Variants in ITGB3BP observed in about 807,000 individuals in gnomAD.
ITGB3BP encodes the protein integrin subunit beta 3 binding protein, also known as centromere protein R.
A neutral mutation model predicts 29.1 loss-of-function variants in ITGB3BP; 27 were observed. The ratio of observed to expected loss-of-function variants is 0.93; its 90% CI spans 0.68 to 1.28. The LOEUF (loss-of-function observed/expected upper bound fraction) is 1.28. Among genes scored for constraint, ITGB3BP ranks in the 50% most tolerant of loss-of-function variants. The pLI is 0.00. For missense variants in ITGB3BP, 192 were observed against 200.2 expected (o/e 0.96, Z 0.25); for synonymous variants, 61 against 61.4 (o/e 0.99, Z 0.03).
chr1:63,520,552 G>A (rs1300569429), intron 1 of ITGB3BP, among the ~76,000 whole-genome samples: 8 of 152,058 alleles, frequency 5.3e-5, no homozygotes, highest in Non-Finnish European at 1.2e-4. Context: ...ACTTAGGGAG[G>A]ACTTAAGATA....
intron 8 of ITGB3BP, among the ~76,000 whole-genome samples, chr1:63,443,599 C>T (rs1340576990): frequency 2.6e-5 from 4 of 152,068 alleles, no homozygotes; most frequent in African/African-American, 9.7e-5. Flanking sequence ...CCTTCTAAAG[C>T]ATACATTTGT....
At chr1:63,465,973 T>G (rs1159044129) in intron 4 of ITGB3BP, among the ~76,000 whole-genome samples, 1 of 152,024 alleles carries the variant, frequency 6.6e-6, no homozygotes, top group African/African-American at 2.4e-5. Flanking sequence ...GTGGACAGAG[T>G]GGGCTGACCC....
chr1:63,477,659 G>A (rs890761807), intron 4 of ITGB3BP, among the ~76,000 whole-genome samples: 5 of 151,634 alleles, frequency 3.3e-5, no homozygotes, highest in African/African-American at 1.2e-4. Flanking sequence ...GGTTAAGGCT[G>A]CACTGAATGG....
chr1:63,465,844 G>A (rs371380890), intron 4 of ITGB3BP, among the ~76,000 whole-genome samples: 8 of 151,888 alleles, frequency 5.3e-5, no homozygotes, highest in Non-Finnish European at 1.0e-4. Context: ...ATTCAAATTC[G>A]TAGTTTTACT....
At chr1:63,479,936 T>C (rs1201346515) in intron 3 of ITGB3BP, among the ~76,000 whole-genome samples, 1 of 152,160 alleles carries the variant, frequency 6.6e-6, no homozygotes, top group Non-Finnish European at 1.5e-5. Context: ...GACATACTGA[T>C]TTAATATCCT....
intron 8 of ITGB3BP, among the ~76,000 whole-genome samples, chr1:63,445,188 G>C (rs1399252254): frequency 1.3e-5 from 2 of 151,940 alleles, no homozygotes; most frequent in Non-Finnish European, 2.9e-5. Context: ...CGGGAGGCTG[G>C]GGCAGGAGAA....
chr1:63,505,934 C>T (rs566460507), intron 2 of ITGB3BP, among the ~76,000 whole-genome samples: 1 of 152,044 alleles, frequency 6.6e-6, no homozygotes. Context: ...TTACTTCCAA[C>T]TATGTGGTCA....
upstream of ITGB3BP, among the ~76,000 whole-genome samples, chr1:63,527,051 C>T (rs1393667702): frequency 1.3e-5 from 2 of 152,222 alleles, no homozygotes; most frequent in East Asian, 3.9e-4. Flanking sequence ...AGGCGTGAGC[C>T]ACCACGCCTG....
At chr1:63,520,372 T>C (rs1646420171) in intron 1 of ITGB3BP, among the ~76,000 whole-genome samples, 1 of 152,142 alleles carries the variant, frequency 6.6e-6, no homozygotes, top group Non-Finnish European at 1.5e-5. Context: ...CTTTAAAAAG[T>C]GAAGGTTTCA....
chr1:63,515,574 TC>T (rs1646297139), intron 1 of ITGB3BP, among the ~76,000 whole-genome samples: 1 of 152,038 alleles, frequency 6.6e-6, no homozygotes. Context: ...ACGCCTGTAA[TC>T]CCAGGACTTT....
chr1:63,446,577 G>A (rs1179644149), intron 8 of ITGB3BP: 2 of 488,844 alleles, frequency 4.1e-6, no homozygotes, highest in Non-Finnish European at 7.5e-6. Context: ...TAAAGTTAGC[G>A]TCGTCAGCTC....
intron 4 of ITGB3BP, among the ~76,000 whole-genome samples, chr1:63,474,978 A>G (rs1006577697): frequency 7.9e-5 from 12 of 152,186 alleles, no homozygotes; most frequent in Admixed American, 3.9e-4. Flanking sequence ...TTATTGATTG[A>G]TTCACTGATT....
At chr1:63,518,429 T>C (rs973151894) in intron 1 of ITGB3BP, among the ~76,000 whole-genome samples, 1 of 152,218 alleles carries the variant, frequency 6.6e-6, no homozygotes, top group Non-Finnish European at 1.5e-5. Context: ...CCTCTTTCAA[T>C]ATCTATAGCA....
chr1:63,480,117 C>G (rs1219803096), intron 3 of ITGB3BP, among the ~76,000 whole-genome samples: 2 of 152,024 alleles, frequency 1.3e-5, no homozygotes, highest in African/African-American at 4.8e-5. Flanking sequence ...TGGTTACCTT[C>G]CATTTAAAAT....
At chr1:63,455,577 T>C (rs1441575593) in intron 4 of ITGB3BP, among the ~76,000 whole-genome samples, 1 of 152,170 alleles carries the variant, frequency 6.6e-6, no homozygotes, top group Non-Finnish European at 1.5e-5. Flanking sequence ...CCCAAAGCAC[T>C]GTGATTACAG....
Position 63,508,540 on chromosome 1 carries a change from C to T in ITGB3BP, c.36G>A (p.Leu12=), listed in dbSNP as rs150706926. ...AGCAAATACTTACATTTTCTTCTAA[C>T]AGACCATCCAACTTCAGTGATCTTT... ...PVKRSLKLDG[L]LEENSFDPSK... is the part of the protein sequence containing the mutation. Residue 12 remains leucine (L), a synonymous_variant, in exon 2 of 9, where the codon CTG becomes CTA. Transcript: ENST00000271002. 3.3e-4 allele frequency: 469 copies of T among 1,430,514 alleles called. 1 individual carries two copies. The African/African-American group carries it at 6.1e-3, about 19-fold the overall frequency. The allele number at this position is 1,430,514 out of a possible 1,614,324, so 88.6% of individuals were successfully genotyped here.
intron 7 of ITGB3BP, chr1:63,449,645 C>T (rs1453150302): frequency 6.5e-6 from 1 of 153,850 alleles, no homozygotes; most frequent in African/African-American, 2.4e-5. Context: ...TTATAAAGAG[C>T]TGAGGACTAT....
intron 2 of ITGB3BP, among the ~76,000 whole-genome samples, chr1:63,499,370 C>T (rs956528573): frequency 3.3e-5 from 5 of 151,886 alleles, no homozygotes; most frequent in South Asian, 2.1e-4. Flanking sequence ...AGGCTGGTCT[C>T]GAACTCCCGG....
Position 63,453,630 on chromosome 1 carries a change from A to G in ITGB3BP, c.484+288T>C, listed in dbSNP as rs41285378. ...GCTCCTATTTGTATTCTCAAAAAGAAATTTTAATAAAAAGACAAAATTCAA... is the reference window on the plus strand; with the variant it reads ...GCTCCTATTTGTATTCTCAAAAAGAGATTTTAATAAAAAGACAAAATTCAA... On this transcript the variant is annotated intron_variant, in intron 7 of 8. Coordinates refer to ENST00000271002, the MANE Select transcript of ITGB3BP (RefSeq NM_014288.5). 3.2e-3 allele frequency: 780 copies of G among 246,186 alleles called. 6 individuals carry two copies. Among genetic ancestry groups the G allele is most frequent in the Middle Eastern group, 0.011 (8 of 746 alleles). 15.3% of individuals were successfully genotyped at this position (246,186 alleles called of 1,614,324 possible).
Sources: gnomAD v4.1 joint callset for allele counts (sites outside exome capture counted in the v4.1 genomes callset) on GRCh38, gnomAD v4.1.1 for gene constraint, MANE v1.5 for transcripts, NCBI Gene and HGNC (gene_info 2026-07-23, HGNC 2026-07-21) for gene names.